The following NKAIN3 variants were observed in gnomAD, a reference collection of about 807,000 sequenced individuals.
NKAIN3 encodes the protein sodium/potassium transporting ATPase interacting 3.
NKAIN3 carries 25 observed loss-of-function variants against 30.2 expected under a neutral mutation model. The observed-to-expected ratio is 0.83, with a 90% CI of 0.60 to 1.16. The LOEUF (loss-of-function observed/expected upper bound fraction) is 1.16, where lower values mean the gene tolerates loss of function less well. Ranked by LOEUF, NKAIN3 falls within the 50% of genes most tolerant of loss-of-function variation. The pLI is 0.00. For missense variants in NKAIN3, 225 were observed against 254.1 expected (o/e 0.89, Z 0.78); for synonymous variants, 91 against 89.6 (o/e 1.02, Z -0.09).
intron 4 of NKAIN3, among the ~76,000 whole-genome samples, chr8:62,867,584 C>T (rs1820467184): frequency 6.6e-6 from 1 of 152,156 alleles, no homozygotes. Context: ...AACCAAAAGC[C>T]TCCACTCATC....
At chr8:62,994,676 C>G (rs1282168724) in intron 5 of NKAIN3, among the ~76,000 whole-genome samples, 1 of 152,216 alleles carries the variant, frequency 6.6e-6, no homozygotes, top group Non-Finnish European at 1.5e-5. Context: ...GAAGGAGCAT[C>G]TCCTTGAAGG....
intron 4 of NKAIN3, among the ~76,000 whole-genome samples, chr8:62,868,553 C>G (rs919032821): frequency 1.3e-5 from 2 of 152,156 alleles, no homozygotes; most frequent in African/African-American, 4.8e-5. Context: ...TGATGATACC[C>G]GTGGTGCTGT....
At chr8:62,907,982 A>T (rs11993981) in intron 4 of NKAIN3, among the ~76,000 whole-genome samples, 103,276 of 152,060 alleles carry the variant, frequency 0.68, 36,001 homozygotes, top group East Asian at 0.9. Context: ...AGCTTGTACC[A>T]TGGACCTGGA....
intron 4 of NKAIN3, among the ~76,000 whole-genome samples, chr8:62,762,467 A>G (rs1359651087): frequency 6.6e-6 from 1 of 152,226 alleles, no homozygotes; most frequent in Non-Finnish European, 1.5e-5. Flanking sequence ...AGATGAAATT[A>G]GAGAAGTAAG....
chr8:62,591,629 A>G (rs1338159322), intron 3 of NKAIN3, among the ~76,000 whole-genome samples: 6 of 152,048 alleles, frequency 3.9e-5, no homozygotes, highest in African/African-American at 1.2e-4. Context: ...GGTTGAAAAC[A>G]TGGACATAGT....
rs1022938357 is a variant in NKAIN3 at position 62,345,532 on chromosome 8, C to A, written c.54+96405C>A. 9.8e-5 allele frequency among the ~76,000 whole-genome samples: 10 copies of A among 102,164 alleles called. No homozygotes were observed. In the East Asian group the frequency reaches 2.8e-3, roughly 29 times the overall value. 67.0% of individuals were successfully genotyped at this position (102,164 alleles called of 152,430 possible). A position where few individuals can be genotyped will look rare whatever the true frequency, so the allele number is the denominator to read the frequency against. On this transcript the variant is annotated intron_variant, in intron 1 of 6. Transcript: ENST00000623646. ...ATATATACACATATATGTATATATA[C>A]ACACATATATACACATATATGTATA...
chr8:62,672,843 T>A (rs1237724439), intron 3 of NKAIN3, among the ~76,000 whole-genome samples: 1 of 152,188 alleles, frequency 6.6e-6, no homozygotes, highest in Non-Finnish European at 1.5e-5. Flanking sequence ...ATACAGTCAA[T>A]TTTATCTAAA....
At chr8:62,950,800 T>G (rs1357901761) in intron 5 of NKAIN3, among the ~76,000 whole-genome samples, 1 of 152,212 alleles carries the variant, frequency 6.6e-6, no homozygotes, top group Non-Finnish European at 1.5e-5. Context: ...GTTTAGACTT[T>G]GTCCTACATT....
At chr8:62,921,364 T>C (rs1010724715) in intron 5 of NKAIN3, among the ~76,000 whole-genome samples, 1 of 152,220 alleles carries the variant, frequency 6.6e-6, no homozygotes, top group Non-Finnish European at 1.5e-5. Flanking sequence ...AGCCTTGTTC[T>C]TGGGCTGAAA....
intron 4 of NKAIN3, among the ~76,000 whole-genome samples, chr8:62,816,401 G>A (rs938832417): frequency 6.6e-6 from 1 of 152,172 alleles, no homozygotes; most frequent in African/African-American, 2.4e-5. Flanking sequence ...TTCTTGGGGA[G>A]TGCATAAGCA....
intron 1 of NKAIN3, among the ~76,000 whole-genome samples, chr8:62,297,602 G>A (rs892075515): frequency 3.3e-5 from 5 of 152,004 alleles, no homozygotes. Flanking sequence ...TCAGAGAAAT[G>A]CAAATCAAAA....
rs1308043989 is a variant in NKAIN3 at position 62,978,908 on chromosome 8, G to A, written c.*13501G>A. ...GACCATGGGAAAAGCGTAGTATCTG[G>A]ACCGGAGTGCACCCCCACTCACGGC... On this transcript the variant is annotated 3_prime_UTR_variant, in exon 7 of 7. Transcript: ENST00000623646. 1 of 153,774 alleles carries A rather than the reference G, an allele frequency of 6.5e-6. No individual in the cohort carries two copies. Among genetic ancestry groups the A allele is most frequent in the Non-Finnish European group, 1.5e-5 (1 of 68,332 alleles). The allele number at this position is 153,774 out of a possible 1,614,324, so 9.5% of individuals were successfully genotyped here.
intron 1 of NKAIN3, among the ~76,000 whole-genome samples, chr8:62,480,625 C>A (rs1255465353): frequency 2.0e-5 from 3 of 151,740 alleles, no homozygotes; most frequent in Non-Finnish European, 4.4e-5. Context: ...TTCAAAATGG[C>A]CCTAGGAGAC....
chr8:62,572,665 A>C (rs1809981846), intron 1 of NKAIN3, among the ~76,000 whole-genome samples: 1 of 152,142 alleles, frequency 6.6e-6, no homozygotes, highest in African/African-American at 2.4e-5. Context: ...GAGGTGAATG[A>C]CACATTTCAT....
intron 1 of NKAIN3, chr8:62,482,768 A>G (rs1342343800): frequency 6.6e-6 from 1 of 152,210 alleles, no homozygotes; most frequent in African/African-American, 2.4e-5. Context: ...GAGTTCAATC[A>G]TGCACTGACA....
intron 5 of NKAIN3, among the ~76,000 whole-genome samples, chr8:62,940,483 A>G (rs1458019738): frequency 6.6e-6 from 1 of 152,160 alleles, no homozygotes. Context: ...TCATAAGCAC[A>G]TGGAACATTC....
intron 1 of NKAIN3, among the ~76,000 whole-genome samples, chr8:62,327,190 G>T (rs779810127): frequency 6.6e-5 from 10 of 151,914 alleles, no homozygotes; most frequent in Non-Finnish European, 1.5e-4. Flanking sequence ...TTGAGTTTAG[G>T]AGTTCTCTAC....
chr8:62,759,426 A>G lies in NKAIN3; in HGVS notation c.471+12297A>G, dbSNP rs1816568200. On this transcript the variant is annotated intron_variant, in intron 4 of 6. Coordinates refer to ENST00000623646, the MANE Select transcript of NKAIN3 (RefSeq NM_001304533.3). ...TGTGCCTAAGTAAGATGAATTATGT[A>G]GCAGTTGCAGACTATATTTCAGGGA... Among the ~76,000 whole-genome samples, 4 of 152,302 alleles carry G rather than the reference A, an allele frequency of 2.6e-5. No individual in the cohort carries two copies. In the South Asian group the frequency reaches 8.3e-4, roughly 32 times the overall value.
At chr8:62,834,218 C>T (rs1402436572) in intron 4 of NKAIN3, among the ~76,000 whole-genome samples, 1 of 152,078 alleles carries the variant, frequency 6.6e-6, no homozygotes, top group East Asian at 1.9e-4. Flanking sequence ...CAGCCAACAT[C>T]ATACTGAATG....
Sources: allele counts gnomAD v4.1 joint callset (sites outside exome capture counted in the v4.1 genomes callset), GRCh38; gene constraint gnomAD v4.1.1; transcripts MANE v1.5; gene names NCBI Gene and HGNC (gene_info 2026-07-23, HGNC 2026-07-21).